UVRAG: variants seen among roughly 807,000 people sequenced by gnomAD.
UVRAG encodes the protein UV radiation resistance-associated gene protein.
In UVRAG, 19 loss-of-function variants were observed where a neutral mutation model predicts 78.0. The observed-to-expected ratio is 0.24, with a 90% confidence interval of 0.17 to 0.36. The LOEUF is 0.36. Ranked by LOEUF, UVRAG falls within the 10% of genes least tolerant of loss-of-function variation. The pLI is 1.00. For synonymous variants in UVRAG, 323 were observed against 324.6 expected (o/e 1.00, Z 0.05); for missense variants, 740 against 853.8 (o/e 0.87, Z 1.66).
chr11:76,044,491 G>A (rs776075556), intron 12 of UVRAG, among the ~76,000 whole-genome samples: 29 of 152,326 alleles, frequency 1.9e-4, no homozygotes, highest in African/African-American at 7.0e-4. Context: ...TAAAAAGCAG[G>A]CCAGGCGCCG....
At chr11:75,842,894 A>C (rs1162681099) in intron 1 of UVRAG, among the ~76,000 whole-genome samples, 2 of 152,178 alleles carry the variant, frequency 1.3e-5, no homozygotes, top group African/African-American at 4.8e-5. Context: ...GGGAGTTGTG[A>C]AAGTTGTGTG....
chr11:76,042,138 T>A (rs1206073831), intron 12 of UVRAG, among the ~76,000 whole-genome samples: 2 of 151,954 alleles, frequency 1.3e-5, no homozygotes, highest in Non-Finnish European at 2.9e-5. Flanking sequence ...GGTGAAAAAA[T>A]TAGAAACAAC....
intron 6 of UVRAG, among the ~76,000 whole-genome samples, chr11:75,932,054 C>T (rs749339604): frequency 4.6e-5 from 7 of 152,054 alleles, no homozygotes; most frequent in Non-Finnish European, 8.8e-5. Context: ...CCACAAAGAC[C>T]TGACTTTTTT....
intron 13 of UVRAG, among the ~76,000 whole-genome samples, chr11:76,088,715 C>G (rs1203228713): frequency 1.3e-5 from 2 of 152,114 alleles, no homozygotes; most frequent in Non-Finnish European, 2.9e-5. Context: ...CCCTTTTGTC[C>G]ATGTGGTAAA....
intron 7 of UVRAG, among the ~76,000 whole-genome samples, chr11:75,974,611 C>G (rs1430642122): frequency 6.6e-6 from 1 of 151,968 alleles, no homozygotes; most frequent in Admixed American, 6.5e-5. Flanking sequence ...CACGATCCAC[C>G]CGCCTCGGCC....
At chr11:75,870,717 G>GT (rs1337216826) in intron 3 of UVRAG, among the ~76,000 whole-genome samples, 2 of 151,854 alleles carry the variant, frequency 1.3e-5, no homozygotes, top group South Asian at 2.1e-4. Context: ...GGCACCTGTT[G>GT]TTTTTTCCCT....
intron 8 of UVRAG, among the ~76,000 whole-genome samples, chr11:75,999,526 G>A (rs1379180885): frequency 9.9e-5 from 15 of 151,692 alleles, no homozygotes; most frequent in East Asian, 2.0e-4. Flanking sequence ...GATTACAGGC[G>A]CACACCACCA....
intron 12 of UVRAG, among the ~76,000 whole-genome samples, chr11:76,030,272 A>G (rs1174461883): frequency 6.6e-6 from 1 of 152,066 alleles, no homozygotes; most frequent in South Asian, 2.1e-4. Flanking sequence ...GCATCAAGCG[A>G]TACTTCTCTC....
chr11:76,038,296 T>C (rs1950577025), intron 12 of UVRAG, among the ~76,000 whole-genome samples: 2 of 151,844 alleles, frequency 1.3e-5, no homozygotes, highest in East Asian at 1.9e-4. Flanking sequence ...TTCATGAAAA[T>C]GGAAAAAAAT....
At chr11:75,949,592 G>A (rs977348572) in intron 6 of UVRAG, among the ~76,000 whole-genome samples, 1 of 151,476 alleles carries the variant, frequency 6.6e-6, no homozygotes, top group African/African-American at 2.4e-5. Context: ...GTTCTACATC[G>A]CAGTAAATAG....
chr11:76,116,181 G>A (rs923840103), intron 14 of UVRAG, among the ~76,000 whole-genome samples, 166 bp downstream of exon 14: 7 of 152,190 alleles, frequency 4.6e-5, no homozygotes, highest in Admixed American at 1.3e-4. Context: ...CTAAGCTCCC[G>A]TCTGGCTAAG....
chr11:76,127,548 C>T (rs559892010), intron 14 of UVRAG, among the ~76,000 whole-genome samples: 18 of 151,124 alleles, frequency 1.2e-4, no homozygotes, highest in African/African-American at 3.6e-4. Flanking sequence ...CTACTTGAAT[C>T]GCTTGAACCC....
At position 75,900,991 on chromosome 11, in the gene UVRAG, C is replaced by T. The variant is rs1947481764; in HGVS notation, c.508-10963C>T. On this transcript the variant is annotated intron_variant, in intron 5 of 14. Transcript: ENST00000356136. Reference sequence around the variant, plus strand: ...TTGTCTAAGAAGAGGTCTCACCTTTCCTCCTTAACTACTCAGTATCTGGGC... The same window carrying T: ...TTGTCTAAGAAGAGGTCTCACCTTTTCTCCTTAACTACTCAGTATCTGGGC... Among the ~76,000 whole-genome samples, 7 of 152,202 alleles carry T rather than the reference C, an allele frequency of 4.6e-5. No homozygotes were observed. In the South Asian group the frequency reaches 1.2e-3, roughly 27 times the overall value.
chr11:75,891,944 A>G (rs1392090748), intron 5 of UVRAG, among the ~76,000 whole-genome samples: 1 of 152,162 alleles, frequency 6.6e-6, no homozygotes, highest in Non-Finnish European at 1.5e-5. Flanking sequence ...GTGATAGATA[A>G]ATGTAGATCA....
chr11:75,823,228 T>C (rs750897810), intron 1 of UVRAG, among the ~76,000 whole-genome samples: 3 of 152,186 alleles, frequency 2.0e-5, no homozygotes, highest in Middle Eastern at 3.2e-3. Context: ...AGGTAGTGTT[T>C]GTCAGGTTTC....
At chr11:75,836,325 CA>C (rs1360474401) in intron 1 of UVRAG, among the ~76,000 whole-genome samples, 3 of 152,098 alleles carry the variant, frequency 2.0e-5, no homozygotes, top group Non-Finnish European at 4.4e-5. Context: ...TGATCTAGGC[CA>C]TCTTCCTTAT....
At chr11:76,117,678 T>C (rs180908528) in intron 14 of UVRAG, among the ~76,000 whole-genome samples, 3 of 152,106 alleles carry the variant, frequency 2.0e-5, no homozygotes, top group East Asian at 3.9e-4. Context: ...TGGAGAGCCA[T>C]AGGCTTTCCC....
At chr11:76,140,062 C>T (rs189650237) in intron 14 of UVRAG, among the ~76,000 whole-genome samples, 6,508 of 20,320 alleles carry the variant, frequency 0.32, 696 homozygotes, top group African/African-American at 0.49. Context: ...TCTCTCTCTC[C>T]CTCCCTCCCT....
chr11:75,994,089 T>C (rs1442615434), intron 8 of UVRAG, among the ~76,000 whole-genome samples: 1 of 152,156 alleles, frequency 6.6e-6, no homozygotes, highest in African/African-American at 2.4e-5. Flanking sequence ...TCACACAAGA[T>C]TTGGAGGAGC....
Sources: allele counts gnomAD v4.1 joint callset (sites outside exome capture counted in the v4.1 genomes callset), GRCh38; gene constraint gnomAD v4.1.1; transcripts MANE v1.5; gene names NCBI Gene and HGNC (gene_info 2026-07-23, HGNC 2026-07-21).